KCNJ6: variants seen among roughly 807,000 people sequenced by gnomAD.
KCNJ6 encodes G protein-activated inward rectifier potassium channel 2.
In KCNJ6, 9 loss-of-function variants were observed where a neutral mutation model predicts 34.2. The observed-to-expected ratio is 0.26, with a 90% confidence interval of 0.16 to 0.46. KCNJ6 has a LOEUF of 0.46. KCNJ6 is among the 20% of genes least tolerant of loss of function. The pLI is 1.00. For missense variants in KCNJ6, 236 were observed against 531.3 expected (o/e 0.44, Z 5.46); for synonymous variants, 196 against 207.1 (o/e 0.95, Z 0.46).
At chr21:37,721,918 G>GA (rs1299922424) in intron 2 of KCNJ6, among the ~76,000 whole-genome samples, 2 of 152,216 alleles carry the variant, frequency 1.3e-5, no homozygotes, top group Non-Finnish European at 2.9e-5. Flanking sequence ...TGGGGCATCT[G>GA]AAAAGCAAGC....
intron 2 of KCNJ6, among the ~76,000 whole-genome samples, chr21:37,821,455 G>A (rs1303464445): frequency 2.0e-5 from 3 of 151,998 alleles, no homozygotes; most frequent in African/African-American, 7.2e-5. Flanking sequence ...ATAGGTAAGC[G>A]TGTCATGGTG....
chr21:37,707,618 T>C (rs2054726807), intron 3 of KCNJ6, among the ~76,000 whole-genome samples: 1 of 35,874 alleles, frequency 2.8e-5, no homozygotes, highest in Non-Finnish European at 6.6e-5. Context: ...AAGTAATTAA[T>C]ATAACAAACA....
chr21:37,779,570 G>A (rs575459747), intron 2 of KCNJ6, among the ~76,000 whole-genome samples: 1 of 152,182 alleles, frequency 6.6e-6, no homozygotes, highest in African/African-American at 2.4e-5. Context: ...TTTGGTGAGA[G>A]AGTTACAGAG....
intron 1 of KCNJ6, among the ~76,000 whole-genome samples, chr21:37,892,854 G>GA: frequency 7.2e-6 from 1 of 138,402 alleles, no homozygotes; most frequent in East Asian, 2.1e-4. Flanking sequence ...TTCTTTCATA[G>GA]TTTTTTTTTT....
At chr21:37,778,229 C>T (rs1473701427) in intron 2 of KCNJ6, among the ~76,000 whole-genome samples, 3 of 152,092 alleles carry the variant, frequency 2.0e-5, no homozygotes, top group South Asian at 4.1e-4. Flanking sequence ...CAGTTCTTAC[C>T]ATGTAAAAGA....
intron 1 of KCNJ6, among the ~76,000 whole-genome samples, chr21:37,863,643 G>A (rs2055605702): frequency 6.6e-6 from 1 of 151,970 alleles, no homozygotes; most frequent in Admixed American, 6.6e-5. Context: ...GTTTCCACAG[G>A]CACTTTGCTA....
At chr21:37,846,475 G>GT (rs1021054503) in intron 1 of KCNJ6, among the ~76,000 whole-genome samples, 18 of 151,420 alleles carry the variant, frequency 1.2e-4, no homozygotes, top group African/African-American at 4.4e-4. Flanking sequence ...GGTAGAAAGG[G>GT]TTTTTTTCTG....
chr21:37,859,530 T>A (rs942135484), intron 1 of KCNJ6, among the ~76,000 whole-genome samples: 45 of 94,742 alleles, frequency 4.7e-4, no homozygotes, highest in Non-Finnish European at 7.0e-4. Flanking sequence ...TATATATATA[T>A]AAAATACTTA....
intron 1 of KCNJ6, among the ~76,000 whole-genome samples, chr21:37,890,822 C>T (rs1049426568): frequency 2.0e-5 from 3 of 152,178 alleles, no homozygotes; most frequent in Non-Finnish European, 4.4e-5. Context: ...CCGCCTCCCC[C>T]GCATCCAAGC....
chr21:37,894,465 C>T (rs908449136), intron 1 of KCNJ6, among the ~76,000 whole-genome samples: 1 of 152,130 alleles, frequency 6.6e-6, no homozygotes, highest in African/African-American at 2.4e-5. Flanking sequence ...GAGTTCAAGA[C>T]CAGCCTGGCC....
intron 3 of KCNJ6, among the ~76,000 whole-genome samples, chr21:37,699,531 GGGA>G (rs2054679804): frequency 1.3e-5 from 2 of 152,282 alleles, no homozygotes; most frequent in South Asian, 4.1e-4. Context: ...TCTGGCAGAG[GGGA>G]GGAGATTTGC....
At chr21:37,776,399 G>A (rs970489299) in intron 2 of KCNJ6, among the ~76,000 whole-genome samples, 5 of 152,106 alleles carry the variant, frequency 3.3e-5, no homozygotes, top group Admixed American at 3.3e-4. Context: ...ATAGGAGTGG[G>A]GAAAGAGGGC....
chr21:37,764,975 G>T (rs1028991543), intron 2 of KCNJ6, among the ~76,000 whole-genome samples: 3 of 152,168 alleles, frequency 2.0e-5, no homozygotes, highest in African/African-American at 2.4e-5. Context: ...GCTGGAATCA[G>T]CTGTACTGGC....
chr21:37,859,403 G>A lies in KCNJ6; in HGVS notation c.-27-18694C>T, dbSNP rs549566247. ...GGATACACAAGAAACTCATAACAGT[G>A]GTTGTCTCTGGGATAGGAAACTGAA... On this transcript the variant is annotated intron_variant, in intron 1 of 3. Coordinates refer to ENST00000609713, the MANE Select transcript of KCNJ6 (RefSeq NM_002240.5). Among the ~76,000 whole-genome samples, 28 of 148,948 alleles carry A rather than the reference G, an allele frequency of 1.9e-4. No individual in the cohort carries two copies. The South Asian group carries it at 5.9e-3, about 31-fold the overall frequency.
intron 2 of KCNJ6, among the ~76,000 whole-genome samples, chr21:37,821,244 TTAAAG>T (rs1044776731): frequency 2.0e-4 from 30 of 152,228 alleles, no homozygotes; most frequent in African/African-American, 6.3e-4. Flanking sequence ...CAATTTTAAC[TTAAAG>T]TAAACGTTAC....
At chr21:37,914,737 C>T (rs930742967) in intron 1 of KCNJ6, among the ~76,000 whole-genome samples, 8 of 152,176 alleles carry the variant, frequency 5.3e-5, no homozygotes, top group African/African-American at 1.9e-4. Flanking sequence ...CTGGGCATCA[C>T]CCTTTTCCGT....
intron 2 of KCNJ6, among the ~76,000 whole-genome samples, chr21:37,839,367 A>G (rs1464645081): frequency 2.0e-5 from 3 of 152,158 alleles, no homozygotes; most frequent in African/African-American, 7.2e-5. Flanking sequence ...TGTGTTCAAG[A>G]CTTATGTAAA....
At chr21:37,840,600 C>A in intron 2 of KCNJ6, 58 bp downstream of exon 2, 7 of 1,205,798 alleles carry the variant, frequency 5.8e-6, no homozygotes, top group Non-Finnish European at 8.5e-6. Flanking sequence ...CTTTTTTGTG[C>A]GATTTTGCAT....
In KCNJ6 at chr21:37,649,798, G is replaced by T. The variant is rs149313607; in HGVS notation, c.947-24314C>A. 1.2e-4 allele frequency among the ~76,000 whole-genome samples: 19 copies of T among 152,268 alleles called. No individual in the cohort carries two copies. In the East Asian group the frequency reaches 3.7e-3, roughly 29 times the overall value. On this transcript the variant is annotated intron_variant, in intron 3 of 3. Coordinates refer to ENST00000609713, the MANE Select transcript of KCNJ6 (RefSeq NM_002240.5). ...AGGTCTGTCTCGCTCTGTCGCCCTG[G>T]CTGGAGTGCAGTGGCGCCATCTCGG...
Sources: gnomAD v4.1 joint callset for allele counts (sites outside exome capture counted in the v4.1 genomes callset) on GRCh38, gnomAD v4.1.1 for gene constraint, MANE v1.5 for transcripts, NCBI Gene and HGNC (gene_info 2026-07-23, HGNC 2026-07-21) for gene names.